Variants in LIMA1 observed in about 807,000 individuals in gnomAD.
LIMA1 encodes LIM domain and actin binding 1.
A neutral mutation model predicts 62.6 loss-of-function variants in LIMA1; 52 were observed. That is an observed-to-expected ratio of 0.83 (90% CI 0.67 to 1.05). LIMA1 has a LOEUF of 1.05. Ranked by LOEUF, LIMA1 falls within the 50% of genes least tolerant of loss-of-function variation. LIMA1 has a pLI of 0.00. For missense variants in LIMA1, 780 were observed against 902.2 expected (o/e 0.86, Z 1.74); for synonymous variants, 302 against 317.8 (o/e 0.95, Z 0.53).
At chr12:50,278,747 A>G (rs1447694324) in intron 1 of LIMA1, among the ~76,000 whole-genome samples, 1 of 152,200 alleles carries the variant, frequency 6.6e-6, no homozygotes, top group African/African-American at 2.4e-5. Flanking sequence ...GAGATTAAAT[A>G]TCCATTTAAA....
intron 4 of LIMA1, among the ~76,000 whole-genome samples, chr12:50,221,468 C>T (rs770328614): frequency 3.9e-5 from 6 of 152,238 alleles, no homozygotes; most frequent in African/African-American, 1.2e-4. Flanking sequence ...TCAAAACTCC[C>T]GAAAGCTATA....
rs560986986 is a variant in LIMA1 at position 50,242,418 on chromosome 12, C to A, written c.119+6215G>T. On this transcript the variant is annotated intron_variant, in intron 2 of 10. Coordinates refer to ENST00000341247, the MANE Select transcript of LIMA1 (RefSeq NM_016357.5). ...TCACCCAGGCTGGAAGGCAGTGGTG[C>A]AATCATAGTTCACTGCAGCCTTGAG... Among the ~76,000 whole-genome samples the A allele has an allele frequency of 1.3e-4, 19 of 151,588 alleles. No individual in the cohort carries two copies. In the East Asian group the frequency reaches 3.5e-3, roughly 28 times the overall value.
At chr12:50,197,376 C>CTT (rs764758575) in intron 7 of LIMA1, among the ~76,000 whole-genome samples, 23 of 144,342 alleles carry the variant, frequency 1.6e-4, no homozygotes, top group African/African-American at 5.8e-4. Flanking sequence ...GGCACATGTC[C>CTT]TTTTTTTTTT....
intron 1 of LIMA1, among the ~76,000 whole-genome samples, chr12:50,269,168 G>A (rs754238332): frequency 3.9e-5 from 6 of 152,154 alleles, no homozygotes; most frequent in Non-Finnish European, 7.4e-5. Flanking sequence ...TGATAGCAGT[G>A]GTGGTAATAA....
At chr12:50,231,861 G>C (rs999271413) in intron 2 of LIMA1, 151 bp from the exon 3 acceptor site, 2 of 674,120 alleles carry the variant, frequency 3.0e-6, no homozygotes, top group Admixed American at 2.5e-5. Flanking sequence ...TCTACCTCCC[G>C]GGTTCGAGTG....
intron 2 of LIMA1, among the ~76,000 whole-genome samples, chr12:50,246,925 T>C (rs1941857901): frequency 6.6e-6 from 1 of 152,138 alleles, no homozygotes; most frequent in African/African-American, 2.4e-5. Flanking sequence ...GTTAAAAACA[T>C]AATTTCCTGG....
chr12:50,193,608 GTATA>G (rs1565833341), intron 8 of LIMA1, among the ~76,000 whole-genome samples: 1 of 118,838 alleles, frequency 8.4e-6, no homozygotes, highest in East Asian at 2.3e-4. Flanking sequence ...ATATATACAT[GTATA>G]TATATATACA....
At chr12:50,247,445 C>T (rs1320470721) in intron 2 of LIMA1, among the ~76,000 whole-genome samples, 1 of 151,784 alleles carries the variant, frequency 6.6e-6, no homozygotes, top group African/African-American at 2.4e-5. Flanking sequence ...CCTACCATGG[C>T]CCCAGCTGAG....
intron 7 of LIMA1, among the ~76,000 whole-genome samples, chr12:50,199,898 ATTT>A (rs544020117): frequency 6.8e-6 from 1 of 146,698 alleles, no homozygotes; most frequent in African/African-American, 2.5e-5. Flanking sequence ...TCCCAAATAG[ATTT>A]TTTTTTTTTG....
At chr12:50,256,500 T>G (rs1381754726) in intron 1 of LIMA1, among the ~76,000 whole-genome samples, 2 of 152,236 alleles carry the variant, frequency 1.3e-5, no homozygotes, top group Non-Finnish European at 2.9e-5. Context: ...CTATAGACTT[T>G]ATTGAAATTC....
chr12:50,257,089 T>C (rs1339538198), intron 1 of LIMA1, among the ~76,000 whole-genome samples: 1 of 152,218 alleles, frequency 6.6e-6, no homozygotes, highest in Non-Finnish European at 1.5e-5. Context: ...CTTAAACTTT[T>C]TCCCATTAAT....
chr12:50,270,735 T>A (rs1255262582), intron 1 of LIMA1, among the ~76,000 whole-genome samples: 1 of 152,152 alleles, frequency 6.6e-6, no homozygotes, highest in Non-Finnish European at 1.5e-5. Flanking sequence ...AACCCCAAAT[T>A]AGTTTTTTAC....
intron 1 of LIMA1, among the ~76,000 whole-genome samples, chr12:50,275,894 G>C (rs148088576): frequency 6.6e-6 from 1 of 152,216 alleles, no homozygotes; most frequent in African/African-American, 2.4e-5. Flanking sequence ...CTTAGGCATT[G>C]TCTCCCCTTA....
chr12:50,183,193 C>A (rs1456275890), intron 9 of LIMA1, among the ~76,000 whole-genome samples: 1 of 152,036 alleles, frequency 6.6e-6, no homozygotes. Flanking sequence ...CAGAGTGAGA[C>A]TCCATCTCAA....
At chr12:50,204,379 A>T (rs770402893) in intron 6 of LIMA1, 173 bp downstream of exon 6, 2 of 674,814 alleles carry the variant, frequency 3.0e-6, no homozygotes, top group Non-Finnish European at 2.3e-6. Flanking sequence ...AGTCAGGATT[A>T]GACCATGGTA....
At chr12:50,194,328 G>A (rs951017260) in intron 8 of LIMA1, among the ~76,000 whole-genome samples, 7 of 141,682 alleles carry the variant, frequency 4.9e-5, no homozygotes, top group Non-Finnish European at 6.1e-5. Flanking sequence ...TCGGAGTCTC[G>A]CTCTGTAGCC....
At chr12:50,188,663 CCT>C (rs767968147) in intron 9 of LIMA1, 2 of 152,234 alleles carry the variant, frequency 1.3e-5, no homozygotes, top group Non-Finnish European at 1.5e-5. Context: ...GACAGCTTTA[CCT>C]CTGTTTCCTC....
In LIMA1 at chr12:50,248,849, G is replaced by A. The variant is rs1941888404; in HGVS notation, c.-23-75C>T. The A allele has an allele frequency of 3.9e-6, 3 of 777,550 alleles. No homozygotes were observed. In the Admixed American group the frequency reaches 5.9e-5, roughly 15 times the overall value. The allele number at this position is 777,550 out of a possible 1,614,324, so 48.2% of individuals were successfully genotyped here. A position where few individuals can be genotyped will look rare whatever the true frequency, so the allele number is the denominator to read the frequency against. ...ACATCCAAGGATTGGCAGTGGTGTG[G>A]TAGAGCCCTAAACTTGCAGACCACA... On this transcript the variant is annotated intron_variant, in intron 1 of 10. Transcript: ENST00000341247.
At chr12:50,211,741 GGAA>G (rs1384318577) in intron 4 of LIMA1, among the ~76,000 whole-genome samples, 1 of 152,084 alleles carries the variant, frequency 6.6e-6, no homozygotes, top group African/African-American at 2.4e-5. Context: ...CTGAGGTACA[GGAA>G]GAAGGAGGGG....
Sources: allele counts gnomAD v4.1 joint callset (sites outside exome capture counted in the v4.1 genomes callset), GRCh38; gene constraint gnomAD v4.1.1; transcripts MANE v1.5; gene names NCBI Gene and HGNC (gene_info 2026-07-23, HGNC 2026-07-21).